The following KALRN variants were observed in gnomAD, a reference collection of about 807,000 sequenced individuals.
KALRN encodes kalirin.
A neutral mutation model predicts 353.7 loss-of-function variants in KALRN; 70 were observed. The ratio of observed to expected loss-of-function variants is 0.20; its 90% CI spans 0.16 to 0.24. KALRN has a LOEUF of 0.24. Among genes scored for constraint, KALRN ranks in the 10% least tolerant of loss-of-function variants. The pLI is 1.00. For synonymous variants in KALRN, 1,391 were observed against 1,434.8 expected (o/e 0.97, Z 0.69); for missense variants, 2,791 against 3,756.7 (o/e 0.74, Z 6.72).
At chr3:124,092,967 A>G (rs757594103) in intron 1 of KALRN, among the ~76,000 whole-genome samples, 2 of 152,188 alleles carry the variant, frequency 1.3e-5, no homozygotes, top group South Asian at 4.1e-4. Context: ...TTAACTACAC[A>G]CTGGAGTCTT....
At chr3:124,698,268 G>T (rs937574287) in intron 55 of KALRN, among the ~76,000 whole-genome samples, 1 of 152,220 alleles carries the variant, frequency 6.6e-6, no homozygotes, top group East Asian at 1.9e-4. Flanking sequence ...AAGCCACCGC[G>T]CCCGGCCTCC....
At chr3:124,359,026 C>G (rs2083722367) in intron 10 of KALRN, among the ~76,000 whole-genome samples, 1 of 151,390 alleles carries the variant, frequency 6.6e-6, no homozygotes, top group Non-Finnish European at 1.5e-5. Context: ...CCTCAGACAG[C>G]TAGCTGCACA....
chr3:124,119,538 A>C lies in KALRN; in HGVS notation c.73+85725A>C, dbSNP rs74939218. ...TCATTGCTTTGCATGACTAAATGCCATTGCTGGCTTCCAAGAGCAGCTTCC... is the reference window on the plus strand; with the variant it reads ...TCATTGCTTTGCATGACTAAATGCCCTTGCTGGCTTCCAAGAGCAGCTTCC... On this transcript the variant is annotated intron_variant, in intron 1 of 59. Coordinates refer to ENST00000682506, the MANE Select transcript of KALRN (RefSeq NM_001388419.1). 5.1e-3 allele frequency among the ~76,000 whole-genome samples: 777 copies of C among 152,324 alleles called. 39 individuals carry two copies. In the East Asian group the frequency reaches 0.12, roughly 23 times the overall value.
At position 124,726,135 on chromosome 3, in the gene KALRN, C is replaced by T. The variant is rs1254925566; in HGVS notation, c.*6665C>T. 6.6e-6 allele frequency: 1 copy of T among 152,036 alleles called. No individual in the cohort carries two copies. The highest frequency in any genetic ancestry group is 1.9e-4 in the East Asian group (1 of 5,200). 9.4% of individuals were successfully genotyped at this position (152,036 alleles called of 1,614,324 possible). A position where few individuals can be genotyped will look rare whatever the true frequency, so the allele number is the denominator to read the frequency against. ...TGCTGTTGTTCATTTTGTATGCACA[C>T]AATGTCGTTTTGTAAAGGTAGGTTG... On this transcript the variant is annotated 3_prime_UTR_variant, in exon 60 of 60. Transcript: ENST00000682506.
chr3:124,462,708 T>G lies in KALRN; in HGVS notation c.4031+75T>G. 5 of 806,550 alleles carry G rather than the reference T, an allele frequency of 6.2e-6. No homozygotes were observed. The East Asian group carries it at 1.3e-4, about 21-fold the overall frequency. 50.0% of individuals were successfully genotyped at this position (806,550 alleles called of 1,614,324 possible). On this transcript the variant is annotated intron_variant, in intron 25 of 59. Transcript: ENST00000682506. ...GACAACAGGGTTCCCAAGAAGTGGA[T>G]CAAAGGCGATTGGTGAATCTTATCT...
intron 44 of KALRN, among the ~76,000 whole-genome samples, 173 bp from the exon 45 acceptor site, chr3:124,661,678 C>T (rs889621997): frequency 2.0e-5 from 3 of 152,210 alleles, no homozygotes; most frequent in African/African-American, 7.2e-5. Context: ...AACACCCTCC[C>T]TCTAGAACAG....
At chr3:124,228,754 CATT>C (rs1232171595) in intron 2 of KALRN, among the ~76,000 whole-genome samples, 2 of 152,154 alleles carry the variant, frequency 1.3e-5, no homozygotes, top group Non-Finnish European at 2.9e-5. Context: ...AACAGAAAGT[CATT>C]ATTGCACAGT....
intron 17 of KALRN, among the ~76,000 whole-genome samples, chr3:124,436,007 G>A (rs1187347746): frequency 2.0e-5 from 3 of 152,110 alleles, no homozygotes; most frequent in Non-Finnish European, 2.9e-5. Flanking sequence ...AATCGTATCT[G>A]GTATAAGAAT....
chr3:124,497,400 T>C lies in KALRN; in HGVS notation c.4935+987T>C, dbSNP rs577447312. On this transcript the variant is annotated intron_variant, in intron 33 of 59. Transcript: ENST00000682506. ...TCATCTTAGTTTTCTAAGTTATAGG[T>C]ATTTCTTTTAAAGATGATCTGCATT... Among the ~76,000 whole-genome samples, 3 of 152,264 alleles carry C rather than the reference T, an allele frequency of 2.0e-5. No homozygotes were observed. In the East Asian group the frequency reaches 5.8e-4, roughly 29 times the overall value.
chr3:124,208,581 G>A (rs2076623928), intron 1 of KALRN, among the ~76,000 whole-genome samples: 1 of 152,180 alleles, frequency 6.6e-6, no homozygotes, highest in Non-Finnish European at 1.5e-5. Context: ...TACAGAGGGA[G>A]ATGAAGAAGC....
rs1014431237 is a variant in KALRN, at chr3:124,562,756, C to T, written c.4936-87C>T. The T allele has an allele frequency of 2.7e-5, 32 of 1,172,242 alleles. 1 individual carries two copies. Among genetic ancestry groups the T allele is most frequent in the Non-Finnish European group, 3.0e-5 (27 of 896,392 alleles). The allele number at this position is 1,172,242 out of a possible 1,614,324, so 72.6% of individuals were successfully genotyped here. Reference sequence around the variant, plus strand: ...CTTACCTCTGCTCTCACACATCCTTCGTCCCCTCTCACCAACCCTCTCCCA... The same window carrying T: ...CTTACCTCTGCTCTCACACATCCTTTGTCCCCTCTCACCAACCCTCTCCCA... On this transcript the variant is annotated intron_variant, in intron 33 of 59. Coordinates refer to ENST00000682506, the MANE Select transcript of KALRN (RefSeq NM_001388419.1).
chr3:124,282,165 A>C (rs75718142), intron 5 of KALRN, among the ~76,000 whole-genome samples: 3,578 of 152,280 alleles, frequency 0.023, 59 homozygotes, highest in Middle Eastern at 0.051. Context: ...GTCAGGGGGC[A>C]AAGGCAGCAC....
chr3:124,330,134 T>C (rs1035161377), intron 8 of KALRN, 142 bp downstream of exon 8: 10 of 901,710 alleles, frequency 1.1e-5, no homozygotes, highest in Non-Finnish European at 1.5e-5. Context: ...GGTGACATCT[T>C]TAGGAACCTT....
At chr3:124,081,494 G>A (rs2060539902) in intron 1 of KALRN, among the ~76,000 whole-genome samples, 1 of 152,188 alleles carries the variant, frequency 6.6e-6, no homozygotes, top group Admixed American at 6.5e-5. Flanking sequence ...AAAGGGGCCG[G>A]GCACAGTGGC....
At position 124,334,471 on chromosome 3, in the gene KALRN, C is replaced by T. The variant is rs867645151; in HGVS notation, c.1623C>T (p.Cys541=). Residue 541 remains cysteine, a synonymous_variant, in exon 9 of 60, where the codon TGC becomes TGT. Coordinates refer to ENST00000682506, the MANE Select transcript of KALRN (RefSeq NM_001388419.1). The surrounding 1 kb of genome is among the most constrained non-coding windows in gnomAD (Gnocchi z 4.2). The part of the protein sequence containing the change: ...KVRLHQRLQL[C]VFQQDVQQVL... The stretch of plus-strand genomic sequence containing the variant: ...GGCTCCACCAGCGGCTGCAGCTCTG[C>T]GTCTTCCAGCAGGATGTACAGCAGG... 13 of 1,613,568 alleles carry T rather than the reference C, an allele frequency of 8.1e-6. No homozygotes were observed. The highest frequency in any genetic ancestry group is 2.2e-5 in the South Asian group (2 of 91,056).
intron 34 of KALRN, among the ~76,000 whole-genome samples, chr3:124,579,259 C>G (rs1021526302): frequency 6.6e-6 from 1 of 152,168 alleles, no homozygotes; most frequent in Non-Finnish European, 1.5e-5. Context: ...ACTACATCTG[C>G]AGGCTGATAC....
chr3:124,121,093 CAAAAA>C (rs35883031), intron 1 of KALRN, among the ~76,000 whole-genome samples: 1,181 of 75,088 alleles, frequency 0.016, 9 homozygotes, highest in Non-Finnish European at 0.018. Flanking sequence ...GACTCCATCT[CAAAAA>C]AAAAAAAAAA....
chr3:124,268,732 G>A lies in KALRN; in HGVS notation c.457-11G>A. On this transcript the variant is annotated splice_polypyrimidine_tract_variant and intron_variant, in intron 4 of 59. Transcript: ENST00000682506. ...TCACTGAGTATCCTTGTCTGTGTCT[G>A]CCCCTTCCAGACGAGCATGGTATCT... 6.2e-7 allele frequency: 1 copy of A among 1,613,422 alleles called. No homozygotes were observed. Among genetic ancestry groups the A allele is most frequent in the South Asian group, 1.1e-5 (1 of 91,032 alleles).
intron 52 of KALRN, among the ~76,000 whole-genome samples, 169 bp from the exon 53 acceptor site, chr3:124,694,163 T>C (rs370266838): frequency 1.3e-5 from 2 of 152,364 alleles, no homozygotes; most frequent in Admixed American, 6.5e-5. Flanking sequence ...CAGTTATCTC[T>C]TTTAAACACT....
Sources: allele counts gnomAD v4.1 joint callset (sites outside exome capture counted in the v4.1 genomes callset), GRCh38; gene constraint gnomAD v4.1.1; non-coding constraint Gnocchi (gnomAD v3.1); transcripts MANE v1.5; gene names NCBI Gene and HGNC (gene_info 2026-07-23, HGNC 2026-07-21).